Variants in HEMK2 observed in about 807,000 individuals in gnomAD.
The protein encoded by HEMK2 is methyltransferase HEMK2.
At chr21:28,638,018 A>G in the HEMK2 span, among the ~76,000 whole-genome samples, 1 of 152,142 alleles carries the variant, frequency 6.6e-6, no homozygotes, top group East Asian at 1.9e-4. Flanking sequence ...TATGGGTACC[A>G]TTTTCTTCCA....
chr21:28,753,365 A>C, the HEMK2 span, among the ~76,000 whole-genome samples: 1 of 151,984 alleles, frequency 6.6e-6, no homozygotes, highest in Non-Finnish European at 1.5e-5. Flanking sequence ...TCAAAAAAAA[A>C]AAAAAAAAAG....
At chr21:28,625,824 A>G in the HEMK2 span, among the ~76,000 whole-genome samples, 16 of 132,002 alleles carry the variant, frequency 1.2e-4, no homozygotes, top group African/African-American at 4.5e-4. Context: ...AGATGGAAAT[A>G]TGGATCTACA....
chr21:28,701,555 CACAT>C, the HEMK2 span, among the ~76,000 whole-genome samples: 12,753 of 60,984 alleles, frequency 0.21, 597 homozygotes, highest in African/African-American at 0.45. Flanking sequence ...GCCACACACA[CACAT>C]ACACACACAC....
chr21:28,783,966 T>C, the HEMK2 span, among the ~76,000 whole-genome samples: 4 of 152,108 alleles, frequency 2.6e-5, no homozygotes, highest in Non-Finnish European at 5.9e-5. Flanking sequence ...GAGCTCTAAT[T>C]CTCACCGGGC....
the HEMK2 span, among the ~76,000 whole-genome samples, chr21:28,850,214 ATTCTT>A: frequency 7.5e-6 from 1 of 132,508 alleles, no homozygotes; most frequent in Admixed American, 8.1e-5. Context: ...TACATTCAGC[ATTCTT>A]TTTTTTTTTT....
At chr21:28,643,727 T>G in the HEMK2 span, among the ~76,000 whole-genome samples, 1 of 152,114 alleles carries the variant, frequency 6.6e-6, no homozygotes, top group Non-Finnish European at 1.5e-5. Context: ...CTTCCCAGCC[T>G]CCAAAACTGT....
the HEMK2 span, among the ~76,000 whole-genome samples, chr21:28,749,048 T>C: frequency 6.6e-6 from 1 of 152,216 alleles, no homozygotes; most frequent in Non-Finnish European, 1.5e-5. Context: ...AGAGTTAATT[T>C]AGCTAACCAG....
At chr21:28,656,917 A>C in the HEMK2 span, among the ~76,000 whole-genome samples, 1 of 152,044 alleles carries the variant, frequency 6.6e-6, no homozygotes, top group Non-Finnish European at 1.5e-5. Context: ...AATGAAAAAC[A>C]CCTACCTTCT....
At chr21:28,661,605 G>T in the HEMK2 span, among the ~76,000 whole-genome samples, 186 of 152,026 alleles carry the variant, frequency 1.2e-3, no homozygotes, top group Non-Finnish European at 2.3e-3. Flanking sequence ...GGAAGCTCAT[G>T]CTGAGTCTCT....
At chr21:28,755,461 A>G in the HEMK2 span, among the ~76,000 whole-genome samples, 1 of 152,190 alleles carries the variant, frequency 6.6e-6, no homozygotes, top group Non-Finnish European at 1.5e-5. Flanking sequence ...CTCTCATTAC[A>G]GATTGACCAA....
the HEMK2 span, among the ~76,000 whole-genome samples, chr21:28,731,991 C>T: frequency 6.6e-6 from 1 of 152,202 alleles, no homozygotes; most frequent in Non-Finnish European, 1.5e-5. Context: ...GTACGTGTCA[C>T]TCCTAGAAAC....
At chr21:28,814,383 G>C in the HEMK2 span, among the ~76,000 whole-genome samples, 2 of 151,530 alleles carry the variant, frequency 1.3e-5, no homozygotes, top group Non-Finnish European at 2.9e-5. Flanking sequence ...TTGACAAACG[G>C]GATCTAATTA....
chr21:28,599,729 C>A, the HEMK2 span, among the ~76,000 whole-genome samples: 3 of 152,158 alleles, frequency 2.0e-5, no homozygotes, highest in East Asian at 5.8e-4. Context: ...AAGGCACACC[C>A]CTTCCACCTA....
the HEMK2 span, among the ~76,000 whole-genome samples, chr21:28,620,655 CTTTTCTTTTTTTT>C: frequency 1.5e-5 from 1 of 65,538 alleles, no homozygotes; most frequent in Non-Finnish European, 2.9e-5. Flanking sequence ...ATTCTTCTCT[CTTTTCTTTTTTTT>C]TTTTTTTTTT....
the HEMK2 span, among the ~76,000 whole-genome samples, chr21:28,835,680 T>A: frequency 6.6e-6 from 1 of 152,160 alleles, no homozygotes; most frequent in African/African-American, 2.4e-5. Flanking sequence ...GGTTAGTTAT[T>A]AAGCTAATAA....
the HEMK2 span, among the ~76,000 whole-genome samples, chr21:28,756,036 A>T: frequency 6.6e-6 from 1 of 152,362 alleles, no homozygotes; most frequent in African/African-American, 2.4e-5. Context: ...ACTTCTGATC[A>T]TCGGCACAGT....
chr21:28,754,379 G>A, the HEMK2 span, among the ~76,000 whole-genome samples: 1 of 152,342 alleles, frequency 6.6e-6, no homozygotes, highest in African/African-American at 2.4e-5. Context: ...GTAAATGTCA[G>A]TGTGTGTACG....
chr21:28,586,396 T>C, the HEMK2 span, among the ~76,000 whole-genome samples: 1 of 152,236 alleles, frequency 6.6e-6, no homozygotes, highest in Non-Finnish European at 1.5e-5. Flanking sequence ...ACTTAGGTTA[T>C]TTCTTGCAAA....
the HEMK2 span, among the ~76,000 whole-genome samples, chr21:28,659,119 TTC>T: frequency 3.3e-5 from 5 of 152,242 alleles, no homozygotes; most frequent in South Asian, 2.1e-4. Context: ...CCTGACATTT[TTC>T]TTTTTGTCCA....
Sources: allele counts gnomAD v4.1 joint callset (sites outside exome capture counted in the v4.1 genomes callset), GRCh38; gene constraint gnomAD v4.1.1; transcripts MANE v1.5; gene names NCBI Gene and HGNC (gene_info 2026-07-23, HGNC 2026-07-21).